The following PCYT1B variants were observed in gnomAD, a reference collection of about 807,000 sequenced individuals.
PCYT1B encodes phosphate cytidylyltransferase 1B, choline.
A neutral mutation model predicts 26.4 loss-of-function variants in PCYT1B; 10 were observed. That is an observed-to-expected ratio of 0.38 (90% CI 0.23 to 0.64). PCYT1B has a LOEUF of 0.64. PCYT1B is among the 30% of genes least tolerant of loss of function. The probability of loss-of-function intolerance (pLI) is 0.56; values close to 1 mark genes in which losing one functional copy is unlikely to be tolerated. For synonymous variants in PCYT1B, 131 were observed against 108.4 expected, an observed-to-expected ratio of 1.21 and a Z score of -1.29; for missense variants, 161 against 292.7, an observed-to-expected ratio of 0.55 and a Z score of 3.28.
At chrX:24,604,020 G>C (rs1211527662) in intron 3 of PCYT1B, among the ~76,000 whole-genome samples, 3 of 111,171 alleles carry the variant, frequency 2.7e-5, no homozygotes, top group African/African-American at 9.8e-5. Flanking sequence ...GGAGGTTAGA[G>C]ATTCCATTTA....
At chrX:24,618,767 C>T (rs1018957609) in intron 2 of PCYT1B, among the ~76,000 whole-genome samples, 7 of 109,664 alleles carry the variant, frequency 6.4e-5, no homozygotes, top group Non-Finnish European at 9.5e-5. Context: ...GTACTACAGG[C>T]GTGCACCACC....
intron 2 of PCYT1B, among the ~76,000 whole-genome samples, chrX:24,612,345 A>G (rs768989762): frequency 2.7e-4 from 30 of 112,874 alleles, no homozygotes; most frequent in Non-Finnish European, 5.4e-4. Flanking sequence ...ATTTTTACAA[A>G]AATGAAAAGG....
At chrX:24,622,496 C>T (rs1925731201) in intron 1 of PCYT1B, among the ~76,000 whole-genome samples, 1 of 112,328 alleles carries the variant, frequency 8.9e-6, no homozygotes, top group Non-Finnish European at 1.9e-5. Flanking sequence ...AGGAACTGAA[C>T]TAACTTCACC....
At chrX:24,619,459 T>C (rs187978529) in intron 1 of PCYT1B, among the ~76,000 whole-genome samples, 161 of 111,642 alleles carry the variant, frequency 1.4e-3, no homozygotes, top group Non-Finnish European at 1.9e-3. Context: ...TGAGGCTCAT[T>C]AGAGTTAAGA....
chrX:24,626,813 T>C (rs1925899419), intron 1 of PCYT1B, among the ~76,000 whole-genome samples: 1 of 111,995 alleles, frequency 8.9e-6, no homozygotes, highest in South Asian at 3.8e-4. Flanking sequence ...AAACACTTTT[T>C]GAGTCCTTGC....
chrX:24,614,690 T>C (rs1467601063), intron 2 of PCYT1B, among the ~76,000 whole-genome samples: 1 of 112,289 alleles, frequency 8.9e-6, no homozygotes, highest in African/African-American at 3.2e-5. Context: ...TTCTTGAAAC[T>C]CTTGAAACCA....
intron 1 of PCYT1B, among the ~76,000 whole-genome samples, chrX:24,656,530 ATTCTTTTTT>A (rs1432013470): frequency 0.036 from 2,953 of 82,000 alleles, 222 homozygotes; most frequent in African/African-American, 0.13. Flanking sequence ...GAGCTCCAAT[ATTCTTTTTT>A]TTCTTTTTTT....
intron 3 of PCYT1B, among the ~76,000 whole-genome samples, chrX:24,602,683 T>G (rs924244747): frequency 2.7e-5 from 3 of 112,192 alleles, no homozygotes; most frequent in Non-Finnish European, 5.6e-5. Context: ...CTAAAACTTC[T>G]CTAAAAAATA....
intron 6 of PCYT1B, among the ~76,000 whole-genome samples, chrX:24,577,769 T>C (rs1304305826): frequency 9.0e-6 from 1 of 111,673 alleles, no homozygotes; most frequent in Non-Finnish European, 1.9e-5. Context: ...CCTTTGAAAA[T>C]ACAGCGTCTA....
chrX:24,609,161 GT>G (rs1925229517), intron 2 of PCYT1B, among the ~76,000 whole-genome samples: 1 of 110,721 alleles, frequency 9.0e-6, no homozygotes, highest in Admixed American at 9.6e-5. Flanking sequence ...AGTGTTTTTT[GT>G]TTTGTTTTCT....
chrX:24,599,349 T>A (rs1002664164), intron 3 of PCYT1B, among the ~76,000 whole-genome samples: 2 of 112,050 alleles, frequency 1.8e-5, no homozygotes, highest in African/African-American at 6.5e-5. Flanking sequence ...GTTCAAAGAA[T>A]TGAGTGGCAT....
At chrX:24,629,596 C>T (rs1926001144) in intron 1 of PCYT1B, among the ~76,000 whole-genome samples, 1 of 43,257 alleles carries the variant, frequency 2.3e-5, no homozygotes, top group Admixed American at 3.3e-4. Flanking sequence ...AAAAACAACA[C>T]GTATTTTCCA....
intron 1 of PCYT1B, among the ~76,000 whole-genome samples, chrX:24,629,869 C>A (rs1180905145): frequency 9.0e-6 from 1 of 111,453 alleles, no homozygotes; most frequent in Non-Finnish European, 1.9e-5. Flanking sequence ...TAAGTAAAGT[C>A]ACATTTCATT....
intron 2 of PCYT1B, among the ~76,000 whole-genome samples, chrX:24,618,610 G>A (rs1044685424): frequency 2.2e-4 from 16 of 71,569 alleles, no homozygotes; most frequent in African/African-American, 9.0e-4. Context: ...AATAATGATG[G>A]GCCTTTCTGA....
At chrX:24,598,482 TATACACAC>T (rs1468765836) in intron 3 of PCYT1B, among the ~76,000 whole-genome samples, 4 of 106,548 alleles carry the variant, frequency 3.8e-5, no homozygotes, top group Non-Finnish European at 5.8e-5. Flanking sequence ...TTGATATATA[TATACACAC>T]ACACACACAC....
Position 24,575,336 on chromosome X carries a change from G to GA in PCYT1B, c.709-19dup, listed in dbSNP as rs3833417. The GA allele has an allele frequency of 6.2e-3, 5,470 of 879,175 alleles. 2 individuals carry two copies. The highest frequency in any genetic ancestry group is 9.3e-3 in the African/African-American group (433 of 46,745). The allele number at this position is 879,175 out of a possible 1,213,427, so 72.5% of individuals were successfully genotyped here. A position where few individuals can be genotyped will look rare whatever the true frequency, so the allele number is the denominator to read the frequency against. ...CTCTTCTCCTGGTGAAAGTTTACAG[G>GA]AAAAAAAAAAACAGATTTATCCAAG... On this transcript the variant is annotated intron_variant, in intron 6 of 7. Transcript: ENST00000379144.
At position 24,560,032 on chromosome X, in the gene PCYT1B, G is replaced by A. The variant is rs1015336198; in HGVS notation, c.*2261C>T. On this transcript the variant is annotated 3_prime_UTR_variant, in exon 8 of 8. Coordinates refer to ENST00000379144, the MANE Select transcript of PCYT1B (RefSeq NM_004845.5). ...ATGGTGACATTATCTGATGAGTCAC[G>A]TAAGTGGCACCTGTCAGTATGGCGT... The A allele has an allele frequency of 8.9e-6, 1 of 111,921 alleles. No individual in the cohort carries two copies. Among genetic ancestry groups the A allele is most frequent in the African/African-American group, 3.2e-5 (1 of 30,789 alleles). 9.2% of individuals were successfully genotyped at this position (111,921 alleles called of 1,213,427 possible). A position where few individuals can be genotyped will look rare whatever the true frequency, so the allele number is the denominator to read the frequency against.
intron 7 of PCYT1B, among the ~76,000 whole-genome samples, chrX:24,572,208 G>C (rs1365876079): frequency 9.1e-6 from 1 of 110,245 alleles, no homozygotes; most frequent in Non-Finnish European, 1.9e-5. Flanking sequence ...GCAATAAAAG[G>C]CTAAGGCTAT....
intron 6 of PCYT1B, 41 bp from the exon 7 acceptor site, chrX:24,575,359 A>G: frequency 2.0e-6 from 2 of 990,283 alleles, no homozygotes; most frequent in Non-Finnish European, 2.8e-6. Context: ...AGATTTATCC[A>G]AGAGGACATG....
Sources: gnomAD v4.1 joint callset for allele counts (sites outside exome capture counted in the v4.1 genomes callset) on GRCh38, gnomAD v4.1.1 for gene constraint, MANE v1.5 for transcripts, NCBI Gene and HGNC (gene_info 2026-07-23, HGNC 2026-07-21) for gene names.